The following HS3ST5 variants were observed in gnomAD, a reference collection of about 807,000 sequenced individuals.
HS3ST5 encodes heparan sulfate-glucosamine 3-sulfotransferase 5, also known as heparan sulfate glucosamine 3-O-sulfotransferase 5.
A neutral mutation model predicts 25.4 loss-of-function variants in HS3ST5; 10 were observed. That is an observed-to-expected ratio of 0.39 (90% CI 0.24 to 0.67). HS3ST5 has a LOEUF of 0.67. Among genes scored for constraint, HS3ST5 ranks in the 30% least tolerant of loss-of-function variants. The pLI, the probability that HS3ST5 is intolerant of heterozygous loss-of-function variation, is 0.44. For missense variants in HS3ST5, 324 were observed against 420.7 expected (o/e 0.77, Z 2.01); for synonymous variants, 170 against 162.4 (o/e 1.05, Z -0.36).
chr6:114,229,229 A>G (rs1202806417), intron 1 of HS3ST5, among the ~76,000 whole-genome samples: 1 of 152,232 alleles, frequency 6.6e-6, no homozygotes, highest in Non-Finnish European at 1.5e-5. Flanking sequence ...AGTACTTGCC[A>G]AGATAATTAG....
At chr6:114,312,787 T>G (rs1018215354) in intron 1 of HS3ST5, among the ~76,000 whole-genome samples, 9 of 151,988 alleles carry the variant, frequency 5.9e-5, no homozygotes, top group Non-Finnish European at 1.3e-4. Flanking sequence ...CCCAGCACTT[T>G]GGGAGGCCCA....
chr6:114,208,646 A>C (rs2114417499), intron 2 of HS3ST5, among the ~76,000 whole-genome samples: 1 of 152,304 alleles, frequency 6.6e-6, no homozygotes, highest in East Asian at 1.9e-4. Context: ...TGACTGGTCC[A>C]TAGACTAATA....
intron 1 of HS3ST5, among the ~76,000 whole-genome samples, chr6:114,245,328 A>C (rs531212049): frequency 6.6e-6 from 1 of 152,274 alleles, no homozygotes; most frequent in East Asian, 1.9e-4. Context: ...ATAGGACGGT[A>C]ATGCACATCC....
At chr6:114,109,865 G>A (rs1345139280) in intron 3 of HS3ST5, among the ~76,000 whole-genome samples, 2 of 152,134 alleles carry the variant, frequency 1.3e-5, no homozygotes, top group Non-Finnish European at 2.9e-5. Flanking sequence ...CTACAACAAG[G>A]GACAGTGCAG....
chr6:114,165,845 T>C (rs1222342004), intron 3 of HS3ST5, among the ~76,000 whole-genome samples: 4 of 152,092 alleles, frequency 2.6e-5, no homozygotes, highest in Non-Finnish European at 5.9e-5. Flanking sequence ...CAATGCCTAC[T>C]TCATAGAGTT....
chr6:114,168,702 T>C (rs1779331158), intron 2 of HS3ST5, among the ~76,000 whole-genome samples: 1 of 152,194 alleles, frequency 6.6e-6, no homozygotes, highest in Admixed American at 6.5e-5. Flanking sequence ...TAATTGTTAA[T>C]TTCCCTTGAT....
intron 2 of HS3ST5, among the ~76,000 whole-genome samples, chr6:114,177,032 G>T (rs1295057511): frequency 6.6e-6 from 1 of 152,138 alleles, no homozygotes; most frequent in Admixed American, 6.5e-5. Flanking sequence ...TTTCACCAGG[G>T]CTTGAAAATT....
intron 2 of HS3ST5, among the ~76,000 whole-genome samples, chr6:114,177,104 G>A (rs962918528): frequency 5.9e-5 from 9 of 152,108 alleles, no homozygotes; most frequent in South Asian, 2.1e-4. Flanking sequence ...CAGTTCTACC[G>A]TAGTTTGAAT....
intron 3 of HS3ST5, among the ~76,000 whole-genome samples, chr6:114,078,715 G>C (rs528797323): frequency 6.6e-5 from 10 of 152,288 alleles, no homozygotes; most frequent in African/African-American, 2.4e-4. Flanking sequence ...CAGTCTAGCT[G>C]TATTGACCTT....
At chr6:114,325,613 C>T (rs886395681) in intron 1 of HS3ST5, among the ~76,000 whole-genome samples, 124 of 152,242 alleles carry the variant, frequency 8.1e-4, no homozygotes, top group African/African-American at 2.9e-3. Flanking sequence ...ACTAGTGTTT[C>T]TCCAACTCAC....
chr6:114,138,063 T>A (rs1242417654), intron 3 of HS3ST5, among the ~76,000 whole-genome samples: 3 of 151,776 alleles, frequency 2.0e-5, no homozygotes, highest in African/African-American at 4.8e-5. Flanking sequence ...GCTCTGAGAG[T>A]TGGGTACCTT....
chr6:114,177,098 T>C (rs1004317957), intron 2 of HS3ST5, among the ~76,000 whole-genome samples: 16 of 152,214 alleles, frequency 1.1e-4, no homozygotes, highest in African/African-American at 3.6e-4. Flanking sequence ...GCAATGCAGT[T>C]CTACCGTAGT....
intron 3 of HS3ST5, among the ~76,000 whole-genome samples, chr6:114,077,051 G>A (rs1181352149): frequency 6.6e-6 from 1 of 152,172 alleles, no homozygotes; most frequent in Non-Finnish European, 1.5e-5. Context: ...ATAGCTTTGA[G>A]CAAATTCCAA....
Position 114,057,069 on chromosome 6 carries a change from A to ATTT in HS3ST5, c.*185_*187dup. The ATTT allele has an allele frequency of 9.8e-6, 4 of 406,726 alleles. No homozygotes were observed. The highest frequency in any genetic ancestry group is 9.6e-5 in the South Asian group (2 of 20,940). 25.2% of individuals were successfully genotyped at this position (406,726 alleles called of 1,614,324 possible). A position where few individuals can be genotyped will look rare whatever the true frequency, so the allele number is the denominator to read the frequency against. The stretch of plus-strand genomic sequence containing the variant: ...AAAAGATGCGACTATGCAGACAGCA[A>ATTT]TTTTTTTTTTTTCGTAAATTTTCAG... On this transcript the variant is annotated 3_prime_UTR_variant, in exon 5 of 5. Coordinates refer to ENST00000312719, the MANE Select transcript of HS3ST5 (RefSeq NM_153612.4).
chr6:114,066,467 C>CTACAAAAA (rs1431627244), intron 3 of HS3ST5, among the ~76,000 whole-genome samples: 5 of 152,252 alleles, frequency 3.3e-5, no homozygotes, highest in Non-Finnish European at 7.4e-5. Flanking sequence ...AACCCCATCT[C>CTACAAAAA]TACAAAAATA....
chr6:114,191,653 A>G (rs1430898000), intron 2 of HS3ST5, among the ~76,000 whole-genome samples: 1 of 152,114 alleles, frequency 6.6e-6, no homozygotes, highest in Non-Finnish European at 1.5e-5. Flanking sequence ...TCAAATATCC[A>G]TATCATCGGT....
At chr6:114,185,214 C>T (rs562142560) in intron 2 of HS3ST5, among the ~76,000 whole-genome samples, 22 of 152,114 alleles carry the variant, frequency 1.4e-4, no homozygotes, top group Non-Finnish European at 2.9e-4. Context: ...ATGTGCCCCT[C>T]CCCCAAACTC....
intron 3 of HS3ST5, among the ~76,000 whole-genome samples, chr6:114,092,894 C>T (rs1161145878): frequency 6.6e-6 from 1 of 151,932 alleles, no homozygotes; most frequent in Non-Finnish European, 1.5e-5. Flanking sequence ...AGGCTGGTCT[C>T]GAACTCCTGA....
At chr6:114,229,309 C>T (rs574593147) in intron 1 of HS3ST5, among the ~76,000 whole-genome samples, 4 of 152,194 alleles carry the variant, frequency 2.6e-5, no homozygotes, top group Admixed American at 1.3e-4. Context: ...ATTCTAGAAT[C>T]TTTGTTGGAT....
Sources: gnomAD v4.1 joint callset for allele counts (sites outside exome capture counted in the v4.1 genomes callset) on GRCh38, gnomAD v4.1.1 for gene constraint, MANE v1.5 for transcripts, NCBI Gene and HGNC (gene_info 2026-07-23, HGNC 2026-07-21) for gene names.